DIAPH3: variants seen among roughly 807,000 people sequenced by gnomAD.
The protein encoded by DIAPH3 is protein diaphanous homolog 3.
Under a neutral mutation model 144.3 loss-of-function variants are expected in DIAPH3, and 117 were observed. The ratio of observed to expected loss-of-function variants is 0.81; its 90% CI spans 0.70 to 0.95. The LOEUF (loss-of-function observed/expected upper bound fraction) is 0.95, where lower values mean the gene tolerates loss of function less well. DIAPH3 is among the 40% of genes least tolerant of loss of function. The pLI is 0.00. For missense variants in DIAPH3, 1,421 were observed against 1,412.7 expected, an observed-to-expected ratio of 1.01 and a Z score of -0.09; for synonymous variants, 519 against 488.9, an observed-to-expected ratio of 1.06 and a Z score of -0.81.
chr13:60,107,242 T>C (rs568258410), intron 3 of DIAPH3, among the ~76,000 whole-genome samples: 11 of 151,904 alleles, frequency 7.2e-5, no homozygotes, highest in Non-Finnish European at 2.9e-5. Flanking sequence ...TTGTTCCGTA[T>C]AACTGTATTC....
intron 9 of DIAPH3, among the ~76,000 whole-genome samples, chr13:59,997,731 C>T (rs765667246): frequency 2.6e-4 from 39 of 152,018 alleles, no homozygotes; most frequent in Admixed American, 1.3e-3. Flanking sequence ...AACCTGATTG[C>T]GCTGATGAGA....
intron 3 of DIAPH3, among the ~76,000 whole-genome samples, chr13:60,102,366 T>G (rs1243266228): frequency 1.3e-5 from 2 of 152,224 alleles, no homozygotes; most frequent in African/African-American, 4.8e-5. Flanking sequence ...CCGATAACAT[T>G]TAATAGAAAT....
Position 59,774,172 on chromosome 13 carries a change from TA to T in DIAPH3, c.3319+16del. On this transcript the variant is annotated intron_variant, in intron 27 of 27. Transcript: ENST00000400324. The stretch of plus-strand genomic sequence containing the variant: ...GTAGATAAGAAGAATGTGCAATTTA[TA>T]AATACGGTTTATTACCATGGTTACA... The T allele has an allele frequency of 6.2e-7, 1 of 1,611,570 alleles. No individual in the cohort carries two copies. The highest frequency in any genetic ancestry group is 8.5e-7 in the Non-Finnish European group (1 of 1,178,782).
chr13:59,668,868 A>C (rs201113303), intron 27 of DIAPH3, among the ~76,000 whole-genome samples: 2 of 128,550 alleles, frequency 1.6e-5, no homozygotes, highest in African/African-American at 2.9e-5. Flanking sequence ...CACACACACA[A>C]AACACATACA....
intron 2 of DIAPH3, among the ~76,000 whole-genome samples, chr13:60,126,428 A>G (rs2058990804): frequency 6.6e-6 from 1 of 152,232 alleles, no homozygotes; most frequent in African/African-American, 2.4e-5. Context: ...AAGTCACAAC[A>G]ATCTTATATA....
chr13:59,791,365 G>T (rs1402351070), intron 25 of DIAPH3, among the ~76,000 whole-genome samples: 6 of 152,196 alleles, frequency 3.9e-5, no homozygotes, highest in African/African-American at 1.4e-4. Flanking sequence ...CACTTTGATT[G>T]AATGCCTATG....
intron 27 of DIAPH3, among the ~76,000 whole-genome samples, chr13:59,728,431 T>C (rs1009937480): frequency 1.3e-5 from 2 of 151,862 alleles, no homozygotes; most frequent in African/African-American, 4.8e-5. Flanking sequence ...AGATTTAAGG[T>C]ATAAAGATAT....
intron 7 of DIAPH3, 104 bp from the exon 8 acceptor site, chr13:60,010,773 C>T: frequency 8.5e-7 from 1 of 1,172,892 alleles, no homozygotes; most frequent in Non-Finnish European, 1.2e-6. Flanking sequence ...GACATTTTTA[C>T]ACTTACTAAA....
intron 27 of DIAPH3, among the ~76,000 whole-genome samples, chr13:59,711,637 T>C (rs1359512097): frequency 6.6e-6 from 1 of 152,154 alleles, no homozygotes; most frequent in Non-Finnish European, 1.5e-5. Context: ...CATTTAGTCC[T>C]CAGAACAATT....
Position 60,112,112 on chromosome 13 carries a change from T to C in DIAPH3, c.288A>G (p.Ala96=). The change falls in exon 3 of 28, where the codon GCA becomes GCG. Residue 96 remains alanine, a synonymous_variant. Transcript: ENST00000400324. Reference sequence around the variant, plus strand: ...CTGCTGAGCAATCACTGCTTGCAAATGCAGTCTTCAGGTTGGGAAGTGGAG... The same window carrying C: ...CTGCTGAGCAATCACTGCTTGCAAACGCAGTCTTCAGGTTGGGAAGTGGAG... The part of the protein sequence containing the change: ...ERPPLPNLKT[A]FASSDCSAAP... 6.2e-7 allele frequency: 1 copy of C among 1,614,170 alleles called. No individual in the cohort carries two copies. The highest frequency in any genetic ancestry group is 8.5e-7 in the Non-Finnish European group (1 of 1,180,022).
At chr13:60,047,942 T>C (rs1311869777) in intron 4 of DIAPH3, among the ~76,000 whole-genome samples, 1 of 152,180 alleles carries the variant, frequency 6.6e-6, no homozygotes. Context: ...CCTGTTACTA[T>C]TTCACAGATG....
intron 9 of DIAPH3, among the ~76,000 whole-genome samples, chr13:59,997,299 G>A (rs2052264523): frequency 6.6e-6 from 1 of 152,012 alleles, no homozygotes; most frequent in African/African-American, 2.4e-5. Context: ...GAGAACATGT[G>A]ATATTTGTCT....
intron 27 of DIAPH3, among the ~76,000 whole-genome samples, chr13:59,671,367 T>C (rs975575153): frequency 2.0e-5 from 3 of 152,228 alleles, no homozygotes; most frequent in Non-Finnish European, 4.4e-5. Flanking sequence ...GACAAGCGTT[T>C]CTATTTCTCA....
At chr13:60,020,907 T>C (rs1594369918) in intron 5 of DIAPH3, 1 of 152,256 alleles carries the variant, frequency 6.6e-6, no homozygotes, top group Non-Finnish European at 1.5e-5. Context: ...ACCTGAGTCT[T>C]TCTTTCTAAG....
chr13:59,719,861 T>A (rs1566219142), intron 27 of DIAPH3, among the ~76,000 whole-genome samples: 1 of 152,146 alleles, frequency 6.6e-6, no homozygotes, highest in East Asian at 1.9e-4. Context: ...GGAACCTCCA[T>A]ACAAGCATCA....
At chr13:60,095,602 GC>G (rs1288550387) in intron 3 of DIAPH3, among the ~76,000 whole-genome samples, 7 of 149,182 alleles carry the variant, frequency 4.7e-5, no homozygotes, top group Non-Finnish European at 3.0e-5. Context: ...GCCAGTTATT[GC>G]TGTTTTTTGT....
intron 25 of DIAPH3, among the ~76,000 whole-genome samples, chr13:59,809,762 T>C (rs1186587847): frequency 6.6e-6 from 1 of 152,194 alleles, no homozygotes; most frequent in Non-Finnish European, 1.5e-5. Context: ...TTCGCTTTAG[T>C]AAGCATAAAA....
intron 21 of DIAPH3, among the ~76,000 whole-genome samples, chr13:59,873,019 C>T (rs1409986737): frequency 6.6e-6 from 1 of 152,136 alleles, no homozygotes; most frequent in African/African-American, 2.4e-5. Flanking sequence ...ACCAAAAACG[C>T]TATTTAGAAA....
At chr13:59,923,132 A>C (rs1252542291) in intron 18 of DIAPH3, among the ~76,000 whole-genome samples, 1 of 152,202 alleles carries the variant, frequency 6.6e-6, no homozygotes, top group East Asian at 1.9e-4. Flanking sequence ...TAAATAAATA[A>C]CCGTGTTCAA....
Sources: gnomAD v4.1 joint callset for allele counts (sites outside exome capture counted in the v4.1 genomes callset) on GRCh38, gnomAD v4.1.1 for gene constraint, MANE v1.5 for transcripts, NCBI Gene and HGNC (gene_info 2026-07-23, HGNC 2026-07-21) for gene names.